Variants in MCTP1 observed in about 807,000 individuals in gnomAD.
MCTP1 encodes the protein multiple C2 and transmembrane domain containing 1.
MCTP1 carries 69 observed loss-of-function variants against 120.6 expected under a neutral mutation model. The ratio of observed to expected loss-of-function variants is 0.57; its 90% CI spans 0.47 to 0.70. The LOEUF (loss-of-function observed/expected upper bound fraction) is 0.70. Among genes scored for constraint, MCTP1 ranks in the 30% least tolerant of loss-of-function variants. MCTP1 has a pLI of 0.00. For missense variants in MCTP1, 1,203 were observed against 1,248.8 expected, an observed-to-expected ratio of 0.96 and a Z score of 0.55; for synonymous variants, 529 against 493.1, an observed-to-expected ratio of 1.07 and a Z score of -0.96.
At position 94,836,526 on chromosome 5, in the gene MCTP1, A is replaced by G. The variant is rs138148693; in HGVS notation, c.2436+31807T>C. Among the ~76,000 whole-genome samples the G allele has an allele frequency of 2.8e-4, 42 of 152,264 alleles. 2 individuals carry two copies. In the East Asian group the frequency reaches 7.9e-3, roughly 29 times the overall value. ...TTTTCTAGTTACCATGGTGGCTGAA[A>G]TCAACTTAGATTCTTTATAAAGATA... On this transcript the variant is annotated intron_variant, in intron 17 of 22. Coordinates refer to ENST00000515393, the MANE Select transcript of MCTP1 (RefSeq NM_024717.7).
chr5:95,048,953 AAG>A (rs1425549673), intron 1 of MCTP1, among the ~76,000 whole-genome samples: 1 of 152,182 alleles, frequency 6.6e-6, no homozygotes, highest in Non-Finnish European at 1.5e-5. Flanking sequence ...GCCATTGGAA[AAG>A]AGTCAAAAAG....
intron 2 of MCTP1, among the ~76,000 whole-genome samples, chr5:94,982,336 A>T (rs577751206): frequency 1.3e-5 from 2 of 152,294 alleles, no homozygotes; most frequent in African/African-American, 2.4e-5. Flanking sequence ...ATAACAACAA[A>T]TGAAATTTGG....
intron 1 of MCTP1, among the ~76,000 whole-genome samples, chr5:95,055,276 C>A (rs1023427899): frequency 3.3e-5 from 5 of 152,260 alleles, no homozygotes; most frequent in Middle Eastern, 3.4e-3. Context: ...CTCTTCCGAG[C>A]TAATCAAGAT....
At chr5:95,057,392 G>T (rs1747692098) in intron 1 of MCTP1, among the ~76,000 whole-genome samples, 1 of 152,018 alleles carries the variant, frequency 6.6e-6, no homozygotes, top group African/African-American at 2.4e-5. Context: ...GAATCATAAA[G>T]GCCAGTAAAT....
At chr5:95,071,676 T>G (rs1752203814) in intron 1 of MCTP1, among the ~76,000 whole-genome samples, 1 of 152,204 alleles carries the variant, frequency 6.6e-6, no homozygotes, top group Admixed American at 6.5e-5. Flanking sequence ...AGTGGGGAAA[T>G]GCAGTGAAAT....
At chr5:95,013,615 G>A (rs1312413323) in intron 2 of MCTP1, among the ~76,000 whole-genome samples, 1 of 152,098 alleles carries the variant, frequency 6.6e-6, no homozygotes, top group Admixed American at 6.6e-5. Flanking sequence ...AAGCCTGGAT[G>A]ACAGCATATC....
At chr5:94,844,099 T>C (rs1026585996) in intron 17 of MCTP1, among the ~76,000 whole-genome samples, 1 of 151,682 alleles carries the variant, frequency 6.6e-6, no homozygotes, top group Non-Finnish European at 1.5e-5. Context: ...GGTCAGGAGT[T>C]CTTGACCAGC....
At chr5:95,162,238 C>T (rs912757752) in intron 1 of MCTP1, among the ~76,000 whole-genome samples, 2 of 152,178 alleles carry the variant, frequency 1.3e-5, no homozygotes, top group African/African-American at 2.4e-5. Flanking sequence ...TACTCATCTA[C>T]ATCTACATCT....
chr5:95,140,649 A>G (rs1227536877), intron 1 of MCTP1, among the ~76,000 whole-genome samples: 1 of 138,274 alleles, frequency 7.2e-6, no homozygotes, highest in East Asian at 2.4e-4. Context: ...ACGAGGCAGG[A>G]GATCGAGACC....
chr5:94,892,194 G>A (rs952407762), intron 11 of MCTP1, among the ~76,000 whole-genome samples: 5 of 152,086 alleles, frequency 3.3e-5, no homozygotes, highest in Non-Finnish European at 7.4e-5. Context: ...GAAAATTAAT[G>A]TCACACCACC....
chr5:95,055,683 T>C lies in MCTP1; in HGVS notation c.721-38199A>G, dbSNP rs150747862. Among the ~76,000 whole-genome samples, 5 of 152,294 alleles carry C rather than the reference T, an allele frequency of 3.3e-5. 1 individual carries two copies. The East Asian group carries it at 9.6e-4, about 29-fold the overall frequency. On this transcript the variant is annotated intron_variant, in intron 1 of 22. Coordinates refer to ENST00000515393, the MANE Select transcript of MCTP1 (RefSeq NM_024717.7). ...TGTGGTGTGATAGAAAGGGCTGTCT[T>C]TGGAGTCTAATGGATGTAGATTCAG... is the stretch of plus-strand genomic sequence containing the variant.
chr5:95,145,989 T>A (rs1311958441), intron 1 of MCTP1, among the ~76,000 whole-genome samples: 1 of 152,186 alleles, frequency 6.6e-6, no homozygotes. Flanking sequence ...GTATGTCTGG[T>A]AGAACTCTGC....
chr5:95,278,703 C>G (rs1582722250), intron 1 of MCTP1, among the ~76,000 whole-genome samples: 1 of 152,120 alleles, frequency 6.6e-6, no homozygotes, highest in South Asian at 2.1e-4. Flanking sequence ...TGGCTCATGC[C>G]TGTAATCCCA....
At chr5:95,047,294 T>C (rs1230376382) in intron 1 of MCTP1, among the ~76,000 whole-genome samples, 1 of 152,104 alleles carries the variant, frequency 6.6e-6, no homozygotes, top group African/African-American at 2.4e-5. Flanking sequence ...TCTTACGTCA[T>C]CCTGGTTAAG....
intron 19 of MCTP1, among the ~76,000 whole-genome samples, chr5:94,762,660 A>G (rs546524435): frequency 9.2e-5 from 14 of 152,320 alleles, no homozygotes; most frequent in African/African-American, 2.9e-4. Context: ...TCACCTCTAC[A>G]TGGGTCAACA....
At chr5:95,178,840 C>T (rs575780094) in intron 1 of MCTP1, among the ~76,000 whole-genome samples, 8 of 152,190 alleles carry the variant, frequency 5.3e-5, no homozygotes, top group African/African-American at 1.7e-4. Flanking sequence ...TTCTGAATTG[C>T]CAGAAAAAGA....
At chr5:94,808,204 C>T (rs1732963223) in intron 17 of MCTP1, among the ~76,000 whole-genome samples, 1 of 152,174 alleles carries the variant, frequency 6.6e-6, no homozygotes, top group African/African-American at 2.4e-5. Context: ...GCACCACCAC[C>T]TGTTCAAAGG....
chr5:94,797,650 A>G (rs903730387), intron 18 of MCTP1, among the ~76,000 whole-genome samples: 2 of 152,112 alleles, frequency 1.3e-5, no homozygotes, highest in Non-Finnish European at 2.9e-5. Flanking sequence ...TCTATTAGCA[A>G]TCTCATGTTT....
intron 2 of MCTP1, among the ~76,000 whole-genome samples, chr5:94,967,116 T>C (rs1418468269): frequency 6.6e-6 from 1 of 152,210 alleles, no homozygotes; most frequent in African/African-American, 2.4e-5. Flanking sequence ...GCCTATACAC[T>C]CAGATGTTAA....
Sources: gnomAD v4.1 joint callset for allele counts (sites outside exome capture counted in the v4.1 genomes callset) on GRCh38, gnomAD v4.1.1 for gene constraint, MANE v1.5 for transcripts, NCBI Gene and HGNC (gene_info 2026-07-23, HGNC 2026-07-21) for gene names.